Variants in TRHDE observed in about 807,000 individuals in gnomAD.
The protein encoded by TRHDE is thyrotropin releasing hormone degrading enzyme, also known as thyrotropin-releasing hormone-degrading ectoenzyme.
Under a neutral mutation model 125.7 loss-of-function variants are expected in TRHDE, and 72 were observed. The observed-to-expected ratio is 0.57, with a 90% CI of 0.47 to 0.70. The LOEUF is 0.70. Among genes scored for constraint, TRHDE ranks in the 30% least tolerant of loss-of-function variants. The probability of loss-of-function intolerance (pLI) is 0.00; values close to 1 mark genes in which losing one functional copy is unlikely to be tolerated. For synonymous variants in TRHDE, 509 were observed against 509.1 expected (o/e 1.00, Z 0.00); for missense variants, 1,110 against 1,327.1 (o/e 0.84, Z 2.54).
chr12:72,589,923 G>T (rs553331204), intron 12 of TRHDE, among the ~76,000 whole-genome samples: 3 of 151,638 alleles, frequency 2.0e-5, no homozygotes, highest in Non-Finnish European at 4.4e-5. Flanking sequence ...ACTTCTGTCT[G>T]CTTAAAATTT....
chr12:72,528,338 TTAACTC>T (rs915593819), intron 6 of TRHDE, among the ~76,000 whole-genome samples: 4 of 152,188 alleles, frequency 2.6e-5, no homozygotes, highest in African/African-American at 9.6e-5. Context: ...CTGTGATAGT[TTAACTC>T]TGACAAGGAA....
At chr12:72,481,625 T>C (rs1877179218) in intron 5 of TRHDE, among the ~76,000 whole-genome samples, 1 of 151,632 alleles carries the variant, frequency 6.6e-6, no homozygotes, top group African/African-American at 2.4e-5. Flanking sequence ...GTTCTGCCAT[T>C]CAGGCAGCTC....
rs1466045102 is a variant in TRHDE at position 72,219,161 on chromosome 12, A to G, written n.279+113409A>G. ...GCAATTATTTTAAAATGTTTTGTGTATTTTTTTTTTTTCTTGGCACATTTT... is the reference window on the plus strand; with the variant it reads ...GCAATTATTTTAAAATGTTTTGTGTGTTTTTTTTTTTTCTTGGCACATTTT... On this transcript the variant is annotated intron_variant and non_coding_transcript_variant, in intron 2 of 4. Transcript: ENST00000548156. Among the ~76,000 whole-genome samples the G allele has an allele frequency of 8.6e-4, 126 of 146,192 alleles. 1 individual carries two copies. The highest frequency in any genetic ancestry group is 6.1e-5 in the Non-Finnish European group (4 of 66,006).
At chr12:72,092,593 G>C (rs1294448004) in intron 1 of TRHDE, among the ~76,000 whole-genome samples, 1 of 152,196 alleles carries the variant, frequency 6.6e-6, no homozygotes, top group Non-Finnish European at 1.5e-5. Context: ...TAGAAGCAGA[G>C]AGCATCATTT....
At chr12:72,135,869 T>A (rs1875973295) in intron 2 of TRHDE, among the ~76,000 whole-genome samples, 1 of 152,180 alleles carries the variant, frequency 6.6e-6, no homozygotes, top group African/African-American at 2.4e-5. Context: ...ATGATTTTTT[T>A]TTTTGTGATC....
chr12:72,424,889 T>A (rs1874117967), intron 3 of TRHDE, among the ~76,000 whole-genome samples: 1 of 152,130 alleles, frequency 6.6e-6, no homozygotes, highest in Non-Finnish European at 1.5e-5. Context: ...AATTCCTTTG[T>A]CATAGTGTCA....
Position 72,474,039 on chromosome 12 carries a change from CACATACATATATAT to C in TRHDE, c.1584+877_1584+890del, listed in dbSNP as rs201072552. On this transcript the variant is annotated intron_variant, in intron 5 of 18. Transcript: ENST00000261180. ...ACACACGCACATATATATGCACACA[CACATACATATATAT>C]ACATACATATATATACACATACATA... is the stretch of plus-strand genomic sequence containing the variant. Among the ~76,000 whole-genome samples, 1,254 of 152,046 alleles carry C rather than the reference CACATACATATATAT, an allele frequency of 8.2e-3. 30 individuals are homozygous for C. Among genetic ancestry groups the C allele is most frequent in the Non-Finnish European group, 5.5e-3 (376 of 67,938 alleles).
chr12:72,157,669 A>G (rs542845148), intron 2 of TRHDE, among the ~76,000 whole-genome samples: 2 of 152,318 alleles, frequency 1.3e-5, no homozygotes, highest in South Asian at 4.1e-4. Context: ...ACCATGGAAG[A>G]AAATGGGAAG....
At chr12:72,638,192 A>T (rs1362658801) in intron 15 of TRHDE, among the ~76,000 whole-genome samples, 6 of 147,544 alleles carry the variant, frequency 4.1e-5, no homozygotes, top group African/African-American at 1.5e-4. Context: ...GTGCTCCTGT[A>T]TTGGGTGCAT....
chr12:72,089,781 C>T (rs1255030734), intron 1 of TRHDE, among the ~76,000 whole-genome samples: 3 of 152,094 alleles, frequency 2.0e-5, no homozygotes, highest in African/African-American at 7.2e-5. Context: ...TCCATTTATT[C>T]TTTATTGCTC....
intron 5 of TRHDE, among the ~76,000 whole-genome samples, chr12:72,497,160 A>T (rs751804507): frequency 5.9e-5 from 9 of 152,094 alleles, no homozygotes; most frequent in Non-Finnish European, 1.0e-4. Context: ...ATGATTTAAC[A>T]CTCGAAAACT....
In TRHDE at chr12:72,260,742, G is replaced by A. The variant is rs142622732; in HGVS notation, n.280-117253G>A. Among the ~76,000 whole-genome samples the A allele has an allele frequency of 4.4e-3, 676 of 152,258 alleles. 8 individuals are homozygous for A. The highest frequency in any genetic ancestry group is 0.015 in the African/African-American group (623 of 41,544). On this transcript the variant is annotated intron_variant and non_coding_transcript_variant, in intron 2 of 4. Coordinates refer to the TRHDE transcript ENST00000548156. ...AGAAGGGAGTAGTAAGGGCCAAGAA[G>A]CTGATGATAAATACTACCAAATGGA...
chr12:72,430,310 T>TATATATAC (rs1340066605), intron 3 of TRHDE, among the ~76,000 whole-genome samples: 1,511 of 144,786 alleles, frequency 0.01, 32 homozygotes, highest in African/African-American at 0.036. Flanking sequence ...TATATATATG[T>TATATATAC]ATATATACAT....
intron 12 of TRHDE, among the ~76,000 whole-genome samples, chr12:72,594,890 T>G (rs1871860907): frequency 6.6e-6 from 1 of 151,692 alleles, no homozygotes; most frequent in Non-Finnish European, 1.5e-5. Flanking sequence ...TAGACTGGAT[T>G]AAGAAAATGT....
Position 72,368,350 on chromosome 12 carries a change from CT to C in TRHDE, c.1189-9643del, listed in dbSNP as rs577999154. 3.0e-4 allele frequency among the ~76,000 whole-genome samples: 46 copies of C among 152,146 alleles called. No individual in the cohort carries two copies. The South Asian group carries it at 9.1e-3, about 30-fold the overall frequency. On this transcript the variant is annotated intron_variant, in intron 2 of 18. Coordinates refer to ENST00000261180, the MANE Select transcript of TRHDE (RefSeq NM_013381.3). ...TAATAATTCTGACAACTGAATGTGT[CT>C]TCTTTTTTTGCATTATATTGCAATT...
intron 2 of TRHDE, among the ~76,000 whole-genome samples, chr12:72,239,765 T>C (rs1878437411): frequency 6.6e-6 from 1 of 152,194 alleles, no homozygotes; most frequent in African/African-American, 2.4e-5. Flanking sequence ...GCCAAAATAG[T>C]TCTCCTAAAT....
At chr12:72,198,267 C>A (rs1877484611) in intron 2 of TRHDE, among the ~76,000 whole-genome samples, 2 of 151,976 alleles carry the variant, frequency 1.3e-5, no homozygotes, top group African/African-American at 2.4e-5. Flanking sequence ...CTCTTATGAA[C>A]AATTATGTAC....
intron 2 of TRHDE, among the ~76,000 whole-genome samples, chr12:72,250,608 G>A (rs777799474): frequency 1.6e-4 from 24 of 151,890 alleles, no homozygotes; most frequent in Non-Finnish European, 2.9e-4. Flanking sequence ...GTTGCAAACA[G>A]ACTCTTACTG....
At chr12:72,436,428 G>A (rs574937896) in intron 3 of TRHDE, among the ~76,000 whole-genome samples, 5 of 151,644 alleles carry the variant, frequency 3.3e-5, no homozygotes, top group Non-Finnish European at 5.9e-5. Context: ...ATCATAATAC[G>A]AACCTATTAA....
Sources: gnomAD v4.1 joint callset for allele counts (sites outside exome capture counted in the v4.1 genomes callset) on GRCh38, gnomAD v4.1.1 for gene constraint, MANE v1.5 for transcripts, NCBI Gene and HGNC (gene_info 2026-07-23, HGNC 2026-07-21) for gene names.